Variants in NAE1 observed in about 807,000 individuals in gnomAD.
The protein encoded by NAE1 is NEDD8 activating enzyme E1 subunit 1.
NAE1 carries 59 observed loss-of-function variants against 88.0 expected under a neutral mutation model. The observed-to-expected ratio is 0.67, with a 90% CI of 0.54 to 0.83. The LOEUF (loss-of-function observed/expected upper bound fraction) is 0.83, where lower values mean the gene tolerates loss of function less well. Among genes scored for constraint, NAE1 ranks in the 40% least tolerant of loss-of-function variants. The probability of loss-of-function intolerance (pLI) is 0.00; values close to 1 mark genes in which losing one functional copy is unlikely to be tolerated. For missense variants in NAE1, 554 were observed against 632.8 expected (o/e 0.88, Z 1.34); for synonymous variants, 186 against 208.9 (o/e 0.89, Z 0.95).
At chr16:66,818,453 G>A (rs9788875) in intron 8 of NAE1, 75 bp downstream of exon 8, 1 of 1,087,466 alleles carries the variant, frequency 9.2e-7, no homozygotes, top group Non-Finnish European at 1.3e-6. Flanking sequence ...TCTCACTTTA[G>A]TGTAATTCAA....
chr16:66,822,670 A>ATTTTTTT (rs1254929271), intron 6 of NAE1, among the ~76,000 whole-genome samples: 2 of 142,596 alleles, frequency 1.4e-5, no homozygotes, highest in South Asian at 2.4e-4. Flanking sequence ...TTATTTATTT[A>ATTTTTTT]TTTATTTTTT....
chr16:66,818,687 A>G lies in NAE1; in HGVS notation c.512-50T>C, dbSNP rs113834227. 330 of 1,538,380 alleles carry G rather than the reference A, an allele frequency of 2.1e-4. 3 individuals carry two copies. Among genetic ancestry groups the G allele is most frequent in the African/African-American group, 2.1e-3 (149 of 71,260 alleles). On this transcript the variant is annotated intron_variant, in intron 7 of 19. Transcript: ENST00000290810. Reference sequence around the variant, plus strand: ...ATAAATTTAACACTTAAAAAAAAAAAAGAGAGAGATGGGGTCTTGCTGTAT... The same window carrying G: ...ATAAATTTAACACTTAAAAAAAAAAGAGAGAGAGATGGGGTCTTGCTGTAT...
In NAE1 at chr16:66,813,703, A is replaced by C. The variant is rs1959914724; in HGVS notation, c.901-6T>G. 18 of 1,611,604 alleles carry C rather than the reference A, an allele frequency of 1.1e-5. No individual in the cohort carries two copies. Among genetic ancestry groups the C allele is most frequent in the Non-Finnish European group, 1.5e-5 (18 of 1,178,880 alleles). ...AAAATCCAAAATGATGGAGTCTAAA[A>C]GAATAAGAAAAAATTAACATTAAGT... On this transcript the variant is annotated splice_region_variant and splice_polypyrimidine_tract_variant and intron_variant, in intron 12 of 19. Transcript: ENST00000290810.
chr16:66,829,610 A>G (rs765338565), intron 1 of NAE1, among the ~76,000 whole-genome samples: 1 of 152,242 alleles, frequency 6.6e-6, no homozygotes, highest in Non-Finnish European at 1.5e-5. Flanking sequence ...TTGGGGACAT[A>G]TAACTTCTGT....
intron 16 of NAE1, 108 bp downstream of exon 16, chr16:66,808,881 C>A (rs765433721): frequency 2.8e-6 from 2 of 707,034 alleles, no homozygotes; most frequent in East Asian, 3.0e-5. Context: ...AATATGTTTA[C>A]GTTATCTTTA....
chr16:66,816,611 T>C lies in NAE1; in HGVS notation c.810A>G (p.Lys270=). Residue 270 remains lysine (K), a synonymous_variant, in exon 11 of 20, where the codon AAA becomes AAG. Transcript: ENST00000290810. ...EDEENFEEAI[K]NVNTALNTTQ... ...TTGTATTTAGTGCTGTGTTCACATT[T>C]TTAATAGCTTCTTCAAAATTCTCTT... 6.2e-7 allele frequency: 1 copy of C among 1,612,290 alleles called. No homozygotes were observed. The highest frequency in any genetic ancestry group is 8.5e-7 in the Non-Finnish European group (1 of 1,178,764).
intron 7 of NAE1, among the ~76,000 whole-genome samples, chr16:66,820,445 C>T (rs763492199): frequency 6.6e-6 from 1 of 152,166 alleles, no homozygotes; most frequent in Admixed American, 6.5e-5. Context: ...GAACCTAAAG[C>T]CTGCATGAGA....
intron 7 of NAE1, 83 bp from the exon 8 acceptor site, chr16:66,818,720 G>C (rs2145336348): frequency 3.4e-6 from 5 of 1,454,474 alleles, no homozygotes; most frequent in Middle Eastern, 4.8e-4. Context: ...TATTACCCAG[G>C]CTGAAGTACA....
intron 17 of NAE1, among the ~76,000 whole-genome samples, chr16:66,806,369 A>G (rs889355228): frequency 2.0e-5 from 3 of 152,372 alleles, no homozygotes; most frequent in Non-Finnish European, 2.9e-5. Context: ...TTATTCTCCA[A>G]TTCTAAAAGA....
chr16:66,813,740 T>G (rs984809228), intron 12 of NAE1, 43 bp from the exon 13 acceptor site: 1 of 1,611,276 alleles, frequency 6.2e-7, no homozygotes, highest in Non-Finnish European at 8.5e-7. Flanking sequence ...GCGTTTTACT[T>G]TGACCCAAAG....
At chr16:66,810,310 G>A in intron 15 of NAE1, 64 bp downstream of exon 15, 1 of 1,321,578 alleles carries the variant, frequency 7.6e-7, no homozygotes, top group South Asian at 1.2e-5. Flanking sequence ...CAAAATACCT[G>A]GGAACATTCC....
intron 8 of NAE1, among the ~76,000 whole-genome samples, chr16:66,818,159 G>A (rs1780262150): frequency 6.6e-6 from 1 of 152,094 alleles, no homozygotes; most frequent in African/African-American, 2.4e-5. Flanking sequence ...TAACTGAGTT[G>A]TTATTACTAA....
At position 66,808,552 on chromosome 16, in the gene NAE1, A is replaced by G; in HGVS notation, c.1299T>C (p.Asp433=). The part of the protein sequence containing the change: ...IVLYLMLRAV[D]RFHKQQGRYP... ...ATCTACCCTGTTGTTTATGAAATCT[A>G]TCAACAGCCCGTAACATTAAGTACA... The change falls in exon 17 of 20, where the codon GAT becomes GAC. Residue 433 remains aspartate (D), a synonymous_variant. Transcript: ENST00000290810. 6 of 1,605,202 alleles carry G rather than the reference A, an allele frequency of 3.7e-6. No individual in the cohort carries two copies. The highest frequency in any genetic ancestry group is 5.1e-6 in the Non-Finnish European group (6 of 1,174,108).
rs759277006 is a variant in NAE1, at chr16:66,803,074, C to T, written c.1540G>A (p.Val514Ile). 1.9e-6 allele frequency: 3 copies of T among 1,612,712 alleles called. No homozygotes were observed. Among genetic ancestry groups the T allele is most frequent in the Admixed American group, 1.7e-5 (1 of 60,014 alleles). Reference protein sequence around the residue: ...EVIKIITKQFVIFNNTYIYSG... With the variant: ...EVIKIITKQFIIFNNTYIYSG... ...TAAATGTAAGTATTATTAAAAATTA[C>T]AAATTGTTTGGTGATTATTTTGATG... Residue 514 changes from valine (V) to isoleucine (I), a missense_variant, in exon 20 of 20, where the codon GTA becomes ATA. Transcript: ENST00000290810.
At chr16:66,806,444 TGA>T (rs1358661515) in intron 17 of NAE1, among the ~76,000 whole-genome samples, 10 of 152,074 alleles carry the variant, frequency 6.6e-5, no homozygotes, top group African/African-American at 1.9e-4. Flanking sequence ...TTTTTTCTTT[TGA>T]GAGAGAGTCT....
chr16:66,804,918 G>C (rs377673429), intron 19 of NAE1, among the ~76,000 whole-genome samples: 1 of 151,992 alleles, frequency 6.6e-6, no homozygotes, highest in African/African-American at 2.4e-5. Context: ...CAGACTTCTA[G>C]CCTCCAGAAC....
At chr16:66,804,169 A>T (rs1004596538) in intron 19 of NAE1, among the ~76,000 whole-genome samples, 18 of 152,110 alleles carry the variant, frequency 1.2e-4, no homozygotes, top group Non-Finnish European at 2.2e-4. Flanking sequence ...CAGCATTTGA[A>T]TAAAACCTGA....
chr16:66,810,838 G>C, intron 13 of NAE1, 66 bp from the exon 14 acceptor site: 2 of 1,438,744 alleles, frequency 1.4e-6, no homozygotes, highest in East Asian at 2.3e-5. Flanking sequence ...TTGTTACCAT[G>C]AACAAAAATT....
chr16:66,807,495 C>G (rs1025230227), intron 17 of NAE1, among the ~76,000 whole-genome samples: 1 of 152,038 alleles, frequency 6.6e-6, no homozygotes, highest in Non-Finnish European at 1.5e-5. Context: ...CAAAAATTAG[C>G]TGGGCGAGGT....
Sources: gnomAD v4.1 joint callset for allele counts (sites outside exome capture counted in the v4.1 genomes callset) on GRCh38, gnomAD v4.1.1 for gene constraint, MANE v1.5 for transcripts, NCBI Gene and HGNC (gene_info 2026-07-23, HGNC 2026-07-21) for gene names.